Variants in VWA2 observed in about 807,000 individuals in gnomAD.
VWA2 encodes the protein von Willebrand factor A domain-containing protein 2.
Under a neutral mutation model 70.4 loss-of-function variants are expected in VWA2, and 73 were observed. The observed-to-expected ratio is 1.04, with a 90% CI of 0.86 to 1.26. The LOEUF is 1.26. Ranked by LOEUF, VWA2 falls within the 50% of genes most tolerant of loss-of-function variation. VWA2 has a pLI of 0.00. For synonymous variants in VWA2, 407 were observed against 423.3 expected, an observed-to-expected ratio of 0.96 and a Z score of 0.47; for missense variants, 1,011 against 998.5, an observed-to-expected ratio of 1.01 and a Z score of -0.17.
At chr10:114,263,327 C>CTTTTT (rs1564720569) in intron 5 of VWA2, among the ~76,000 whole-genome samples, 7 of 121,780 alleles carry the variant, frequency 5.7e-5, no homozygotes, top group African/African-American at 2.3e-4. Context: ...GAATCTCCCC[C>CTTTTT]ATTTTTTTTT....
chr10:114,247,735 G>A (rs1453350477), intron 1 of VWA2, among the ~76,000 whole-genome samples: 1 of 151,666 alleles, frequency 6.6e-6, no homozygotes, highest in African/African-American at 2.4e-5. Context: ...GGAGGCAGGA[G>A]TCCAATGGGA....
Position 114,290,341 on chromosome 10 carries a change from T to C in VWA2, c.2224T>C (p.Trp742Arg). 6.4e-7 allele frequency: 1 copy of C among 1,550,580 alleles called. No homozygotes were observed. The highest frequency in any genetic ancestry group is 8.7e-7 in the Non-Finnish European group (1 of 1,146,976). Residue 742 changes from tryptophan (W) to arginine (R), a missense_variant, in exon 13 of 14, where the codon TGG becomes CGG. Trp to Arg is a moderately radical substitution (Grantham distance 101). Transcript: ENST00000392982. ...CTACCGCTGCAAGTGTCGGGATGGC[T>C]GGGAGGGCCCCCACTGCGAGAACCG... ...GSYRCKCRDG[W>R]EGPHCENRFL...
At chr10:114,276,896 A>G (rs2037856785) in intron 6 of VWA2, among the ~76,000 whole-genome samples, 1 of 152,186 alleles carries the variant, frequency 6.6e-6, no homozygotes, top group Admixed American at 6.5e-5. Context: ...AGCTTGTAAG[A>G]AAGTCCATTG....
chr10:114,280,334 G>A (rs1007322804), intron 8 of VWA2, among the ~76,000 whole-genome samples: 3 of 152,192 alleles, frequency 2.0e-5, no homozygotes, highest in Non-Finnish European at 4.4e-5. Context: ...TGACGCTCCA[G>A]TAATGGGAGG....
chr10:114,267,127 A>G (rs761679318), intron 5 of VWA2, among the ~76,000 whole-genome samples: 1 of 151,874 alleles, frequency 6.6e-6, no homozygotes, highest in African/African-American at 2.4e-5. Flanking sequence ...TTTCTTTTTC[A>G]TTTTGAGACG....
At chr10:114,268,698 CTTT>C (rs1554856684) in intron 5 of VWA2, among the ~76,000 whole-genome samples, 2,383 of 125,306 alleles carry the variant, frequency 0.019, 72 homozygotes, top group African/African-American at 0.074. Context: ...TTTCTTTTTT[CTTT>C]TTTTTTTTTT....
chr10:114,290,523 C>T (rs967589300), intron 13 of VWA2, among the ~76,000 whole-genome samples, 158 bp downstream of exon 13: 1 of 152,248 alleles, frequency 6.6e-6, no homozygotes. Context: ...GTACCTCCTG[C>T]ATCCCAGGCA....
intron 1 of VWA2, among the ~76,000 whole-genome samples, chr10:114,239,844 G>A (rs994124569): frequency 3.3e-5 from 5 of 152,218 alleles, no homozygotes; most frequent in African/African-American, 1.2e-4. Context: ...GCGAGCTGGC[G>A]GGGTTTTGGG....
intron 1 of VWA2, among the ~76,000 whole-genome samples, chr10:114,241,764 T>G (rs2036977801): frequency 6.6e-6 from 1 of 152,246 alleles, no homozygotes; most frequent in African/African-American, 2.4e-5. Flanking sequence ...ACTACGAGGT[T>G]GTTTTAGAAC....
chr10:114,268,820 G>A (rs1358953618), intron 5 of VWA2, among the ~76,000 whole-genome samples: 4 of 151,920 alleles, frequency 2.6e-5, no homozygotes, highest in East Asian at 3.9e-4. Flanking sequence ...TCAGCCTCCC[G>A]AGTAGCTGGG....
intron 1 of VWA2, among the ~76,000 whole-genome samples, chr10:114,247,888 G>C (rs1223054703): frequency 6.6e-6 from 1 of 152,062 alleles, no homozygotes; most frequent in East Asian, 1.9e-4. Flanking sequence ...CTGCCACCAT[G>C]GGGCAGGTGT....
intron 9 of VWA2, among the ~76,000 whole-genome samples, chr10:114,283,940 A>G (rs1271843326): frequency 6.6e-6 from 1 of 152,260 alleles, no homozygotes; most frequent in Non-Finnish European, 1.5e-5. Flanking sequence ...GTAAGCAAAA[A>G]GGACAAGAAA....
Position 114,291,326 on chromosome 10 carries a change from C to A in VWA2, c.*89C>A. ...TGGGCACTGAAATGGTGCCTACCTT[C>A]TGGAATGTCTGTGCCCCAGGTCCTT... is the stretch of plus-strand genomic sequence containing the variant. On this transcript the variant is annotated 3_prime_UTR_variant, in exon 14 of 14. Transcript: ENST00000392982. The A allele has an allele frequency of 1.4e-6, 2 of 1,417,230 alleles. No homozygotes were observed. The highest frequency in any genetic ancestry group is 1.9e-6 in the Non-Finnish European group (2 of 1,058,952). 87.8% of individuals were successfully genotyped at this position (1,417,230 alleles called of 1,614,324 possible).
chr10:114,287,207 G>T (rs981929648), intron 11 of VWA2, among the ~76,000 whole-genome samples: 3 of 152,146 alleles, frequency 2.0e-5, no homozygotes, highest in Non-Finnish European at 4.4e-5. Context: ...TTGAGACAGG[G>T]TCTTGCTCTG....
rs7902499 is a variant in VWA2, at chr10:114,259,939, G to A, written c.262-1247G>A. 6.9e-3 allele frequency among the ~76,000 whole-genome samples: 1,045 copies of A among 152,270 alleles called. 10 individuals are homozygous for A. Among genetic ancestry groups the A allele is most frequent in the African/African-American group, 0.024 (987 of 41,556 alleles). On this transcript the variant is annotated intron_variant, in intron 4 of 13. Coordinates refer to ENST00000392982, the MANE Select transcript of VWA2 (RefSeq NM_001272046.2). ...AAAAGGAACCCCACCCAGCTGATCC[G>A]GAGCAGATGCAGCCCGCCTGGTGTG...
At chr10:114,284,539 G>A (rs980359214) in intron 9 of VWA2, among the ~76,000 whole-genome samples, 2 of 152,174 alleles carry the variant, frequency 1.3e-5, no homozygotes, top group Admixed American at 6.5e-5. Flanking sequence ...CATTGGCACC[G>A]CAGCTCTCTC....
intron 1 of VWA2, among the ~76,000 whole-genome samples, chr10:114,245,212 G>A (rs1203139925): frequency 1.3e-5 from 2 of 152,190 alleles, no homozygotes; most frequent in East Asian, 1.9e-4. Context: ...AAACTTGGGC[G>A]CCTCTGGAAA....
intron 1 of VWA2, among the ~76,000 whole-genome samples, chr10:114,243,942 A>G (rs972878986): frequency 1.3e-5 from 2 of 152,206 alleles, no homozygotes; most frequent in Admixed American, 6.5e-5. Context: ...GAGAGCATCT[A>G]CATCCATGGA....
intron 4 of VWA2, among the ~76,000 whole-genome samples, chr10:114,259,333 G>A (rs1340808281): frequency 2.0e-5 from 3 of 152,070 alleles, no homozygotes; most frequent in Admixed American, 1.3e-4. Context: ...CTGTTGGATT[G>A]TTGGTCTTTT....
Sources: allele counts gnomAD v4.1 joint callset (sites outside exome capture counted in the v4.1 genomes callset), GRCh38; gene constraint gnomAD v4.1.1; transcripts MANE v1.5; gene names NCBI Gene and HGNC (gene_info 2026-07-23, HGNC 2026-07-21).